KLRG1: variants seen among roughly 807,000 people sequenced by gnomAD.
KLRG1 encodes killer cell lectin-like receptor subfamily G member 1.
In KLRG1, 16 loss-of-function variants were observed where a neutral mutation model predicts 21.8. The ratio of observed to expected loss-of-function variants is 0.73; its 90% CI spans 0.50 to 1.11. The LOEUF (loss-of-function observed/expected upper bound fraction) is 1.11. Ranked by LOEUF, KLRG1 falls within the 50% of genes most tolerant of loss-of-function variation. The probability of loss-of-function intolerance (pLI) is 0.00; values close to 1 mark genes in which losing one functional copy is unlikely to be tolerated. For synonymous variants in KLRG1, 69 were observed against 75.9 expected (o/e 0.91, Z 0.47); for missense variants, 173 against 218.3 (o/e 0.79, Z 1.31).
chr12:8,951,823 T>G (rs1004554581), intron 1 of KLRG1, among the ~76,000 whole-genome samples: 2 of 152,226 alleles, frequency 1.3e-5, no homozygotes, highest in African/African-American at 4.8e-5. Context: ...GGCATTGGGC[T>G]GGAGGGGAGG....
the KLRG1 span, among the ~76,000 whole-genome samples, chr12:9,164,510 G>A: frequency 2.6e-5 from 4 of 152,180 alleles, no homozygotes. Context: ...CAGTGGCAGA[G>A]GAAAGGGAAA....
At chr12:9,021,567 A>AT in the KLRG1 span, among the ~76,000 whole-genome samples, 38 of 146,806 alleles carry the variant, frequency 2.6e-4, no homozygotes, top group Admixed American at 6.1e-4. Context: ...TACCCAGCTA[A>AT]TTTTTTTTTT....
At chr12:9,028,895 C>T in the KLRG1 span, 6 of 639,330 alleles carry the variant, frequency 9.4e-6, no homozygotes, top group Non-Finnish European at 8.8e-6. Flanking sequence ...TCCACCTCCT[C>T]CATAGTGGCA....
chr12:9,182,071 G>A, the KLRG1 span: 16 of 1,613,620 alleles, frequency 9.9e-6, no homozygotes, highest in African/African-American at 1.5e-4. Context: ...GTGCAATGGG[G>A]GCAACGTCTG....
At chr12:9,184,439 T>A in the KLRG1 span, among the ~76,000 whole-genome samples, 2 of 152,242 alleles carry the variant, frequency 1.3e-5, no homozygotes, top group African/African-American at 4.8e-5. Flanking sequence ...TGCAAATGCA[T>A]GCACAGTTGC....
At chr12:9,210,795 T>G in the KLRG1 span, among the ~76,000 whole-genome samples, 4 of 152,166 alleles carry the variant, frequency 2.6e-5, no homozygotes, top group Non-Finnish European at 5.9e-5. Flanking sequence ...CATCCTCCCA[T>G]GTTTATATGT....
At chr12:9,152,259 C>G in the KLRG1 span, 58 of 1,612,898 alleles carry the variant, frequency 3.6e-5, no homozygotes, top group Non-Finnish European at 3.9e-5. Flanking sequence ...AACCAGATAC[C>G]ATCTTTACAT....
chr12:9,087,863 TTTTGG>T, the KLRG1 span, among the ~76,000 whole-genome samples: 883 of 152,136 alleles, frequency 5.8e-3, 8 homozygotes, highest in African/African-American at 0.02. Flanking sequence ...GAATTTAACA[TTTTGG>T]ATCTACCCTA....
the KLRG1 span, chr12:9,160,438 T>C: frequency 3.1e-6 from 5 of 1,614,042 alleles, no homozygotes; most frequent in Middle Eastern, 1.6e-4. Flanking sequence ...CACAGCCATA[T>C]GGCATCTGGA....
At chr12:9,208,350 A>G in the KLRG1 span, 1 of 1,610,018 alleles carries the variant, frequency 6.2e-7, no homozygotes, top group East Asian at 2.2e-5. Context: ...ATTGTGAGGG[A>G]TAAATCTCAG....
the KLRG1 span, among the ~76,000 whole-genome samples, chr12:9,197,916 A>G: frequency 1.6e-5 from 2 of 128,274 alleles, no homozygotes; most frequent in Non-Finnish European, 3.1e-5. Flanking sequence ...TTTATATTAT[A>G]TATTATATAA....
the KLRG1 span, among the ~76,000 whole-genome samples, chr12:9,071,501 T>G: frequency 3.3e-5 from 5 of 152,140 alleles, no homozygotes; most frequent in Non-Finnish European, 5.9e-5. Context: ...GGTAAACTCG[T>G]GTCATGGGGG....
At chr12:9,115,957 G>T in the KLRG1 span, 2 of 883,142 alleles carry the variant, frequency 2.3e-6, no homozygotes, top group African/African-American at 1.7e-5. Flanking sequence ...ATGCTGCTCT[G>T]TGTGCAAACA....
intron 1 of KLRG1, among the ~76,000 whole-genome samples, chr12:8,953,727 G>A (rs1481185442): frequency 2.0e-5 from 3 of 152,084 alleles, no homozygotes; most frequent in South Asian, 2.1e-4. Flanking sequence ...TCATATTGGC[G>A]ATTTTAACAG....
At chr12:9,091,368 C>G in the KLRG1 span, 1 of 1,614,186 alleles carries the variant, frequency 6.2e-7, no homozygotes, top group Admixed American at 1.7e-5. Context: ...CAGAAGGCCC[C>G]TGCCTTCCAC....
chr12:9,072,596 C>G, the KLRG1 span: 1 of 1,602,000 alleles, frequency 6.2e-7, no homozygotes, highest in Non-Finnish European at 8.5e-7. Flanking sequence ...TAGGACTTCT[C>G]AGAGAGAACA....
intron 1 of KLRG1, among the ~76,000 whole-genome samples, chr12:8,975,407 G>C (rs1946641445): frequency 6.6e-6 from 1 of 152,054 alleles, no homozygotes. Flanking sequence ...TATGTTTTTA[G>C]AAATGTATCC....
the KLRG1 span, chr12:9,164,185 GAT>G: frequency 6.2e-7 from 1 of 1,609,478 alleles, no homozygotes; most frequent in Non-Finnish European, 8.5e-7. Flanking sequence ...CATTTCCACA[GAT>G]ACAATAGGAT....
At chr12:9,215,406 G>GA in the KLRG1 span, among the ~76,000 whole-genome samples, 1 of 151,746 alleles carries the variant, frequency 6.6e-6, no homozygotes, top group African/African-American at 2.4e-5. Flanking sequence ...AAAAAACTGA[G>GA]AAAAAAATTA....
Sources: allele counts gnomAD v4.1 joint callset (sites outside exome capture counted in the v4.1 genomes callset), GRCh38; gene constraint gnomAD v4.1.1; transcripts MANE v1.5; gene names NCBI Gene and HGNC (gene_info 2026-07-23, HGNC 2026-07-21).